Variants in RBFOX1 observed in about 807,000 individuals in gnomAD.
RBFOX1 encodes the protein RNA binding fox-1 homolog 1.
In RBFOX1, 8 loss-of-function variants were observed where a neutral mutation model predicts 57.7. The observed-to-expected ratio is 0.14, with a 90% confidence interval of 0.08 to 0.25. RBFOX1 has a LOEUF of 0.25. Ranked by LOEUF, RBFOX1 falls within the 10% of genes least tolerant of loss-of-function variation. The pLI, the probability that RBFOX1 is intolerant of heterozygous loss-of-function variation, is 1.00. For missense variants in RBFOX1, 611 were observed against 548.5 expected (o/e 1.11, Z -1.14); for synonymous variants, 326 against 222.4 (o/e 1.47, Z -4.15).
At chr16:6,229,155 T>C (rs893354960) in intron 1 of RBFOX1, among the ~76,000 whole-genome samples, 2 of 152,062 alleles carry the variant, frequency 1.3e-5, no homozygotes, top group Non-Finnish European at 2.9e-5. Flanking sequence ...CTCCTTACCT[T>C]TTACCCCCCG....
chr16:6,855,284 C>G (rs1304426914), intron 3 of RBFOX1, among the ~76,000 whole-genome samples: 1 of 152,084 alleles, frequency 6.6e-6, no homozygotes, highest in Non-Finnish European at 1.5e-5. Context: ...AGTCAGCATT[C>G]TAGTATACAG....
intron 3 of RBFOX1, among the ~76,000 whole-genome samples, chr16:6,693,045 T>C (rs1252503576): frequency 1.3e-5 from 2 of 149,722 alleles, no homozygotes; most frequent in Non-Finnish European, 3.0e-5. Flanking sequence ...TCCACTACCA[T>C]CACCACCATC....
intron 7 of RBFOX1, among the ~76,000 whole-genome samples, chr16:7,587,504 T>A (rs2094192882): frequency 6.6e-6 from 1 of 152,210 alleles, no homozygotes; most frequent in African/African-American, 2.4e-5. Flanking sequence ...AATTTTAAAT[T>A]GCTGTTTTAT....
In RBFOX1 at chr16:6,777,405, A is replaced by G. The variant is rs79577497; in HGVS notation, c.-16+122755A>G. 2.4e-3 allele frequency among the ~76,000 whole-genome samples: 371 copies of G among 152,272 alleles called. 4 individuals are homozygous for G. The highest frequency in any genetic ancestry group is 5.8e-3 in the African/African-American group (239 of 41,550). ...GAGAACCGAGGCAGGCGCTCGGGGA[A>G]TGGAACAGGGACAAAGAAACCAACC... On this transcript the variant is annotated intron_variant, in intron 3 of 15. Transcript: ENST00000550418.
At chr16:6,598,551 A>G (rs965126544) in intron 2 of RBFOX1, among the ~76,000 whole-genome samples, 52 of 152,246 alleles carry the variant, frequency 3.4e-4, no homozygotes, top group African/African-American at 1.2e-3. Context: ...TAATGGAGAA[A>G]CATGAGAAAC....
At chr16:6,642,536 C>G (rs1218007326) in intron 2 of RBFOX1, among the ~76,000 whole-genome samples, 3 of 151,922 alleles carry the variant, frequency 2.0e-5, no homozygotes, top group Non-Finnish European at 2.9e-5. Context: ...GCCAGCTCTG[C>G]TTGTCTGCAT....
intron 3 of RBFOX1, among the ~76,000 whole-genome samples, chr16:5,769,238 A>C (rs765557390): frequency 1.3e-5 from 2 of 152,038 alleles, no homozygotes; most frequent in Non-Finnish European, 2.9e-5. Flanking sequence ...AACCCCAGCT[A>C]CCTTAGCACG....
intron 2 of RBFOX1, among the ~76,000 whole-genome samples, chr16:6,343,613 G>T (rs1193691093): frequency 6.6e-6 from 1 of 152,084 alleles, no homozygotes; most frequent in South Asian, 2.1e-4. Flanking sequence ...AACCAAATAA[G>T]GTATTCATGT....
At chr16:6,255,578 A>G (rs2097655969) in intron 1 of RBFOX1, among the ~76,000 whole-genome samples, 1 of 152,164 alleles carries the variant, frequency 6.6e-6, no homozygotes, top group African/African-American at 2.4e-5. Context: ...TGCGCTGTTC[A>G]GTGTCCTATA....
intron 1 of RBFOX1, among the ~76,000 whole-genome samples, chr16:5,278,421 A>C (rs2063193067): frequency 6.6e-6 from 1 of 152,174 alleles, no homozygotes. Flanking sequence ...CTTCAGCATG[A>C]ACTCTTTGCC....
At chr16:5,580,923 A>C (rs1458101501) in intron 2 of RBFOX1, among the ~76,000 whole-genome samples, 1 of 152,186 alleles carries the variant, frequency 6.6e-6, no homozygotes, top group East Asian at 1.9e-4. Context: ...TATGGATGGG[A>C]ATGATGAGGA....
intron 3 of RBFOX1, among the ~76,000 whole-genome samples, chr16:7,020,642 C>T (rs2061815): frequency 0.057 from 8,635 of 152,228 alleles, 442 homozygotes; most frequent in East Asian, 0.19. Context: ...GAGTGATGAA[C>T]TTGTATTAAC....
intron 4 of RBFOX1, among the ~76,000 whole-genome samples, chr16:7,121,777 T>G (rs1420298925): frequency 6.6e-6 from 1 of 152,136 alleles, no homozygotes; most frequent in East Asian, 1.9e-4. Context: ...ATATCTAATT[T>G]ATTTTATATA....
intron 2 of RBFOX1, among the ~76,000 whole-genome samples, chr16:6,570,438 C>T (rs2097329203): frequency 6.6e-6 from 1 of 152,100 alleles, no homozygotes; most frequent in Non-Finnish European, 1.5e-5. Flanking sequence ...CAGCTTAATA[C>T]TGAGTTAATA....
intron 1 of RBFOX1, among the ~76,000 whole-genome samples, chr16:5,433,370 G>T (rs2067812700): frequency 6.6e-6 from 1 of 152,152 alleles, no homozygotes; most frequent in African/African-American, 2.4e-5. Flanking sequence ...CTGGCTGGGG[G>T]TGAGAATTTG....
At chr16:6,002,386 C>T (rs778802273) in intron 4 of RBFOX1, among the ~76,000 whole-genome samples, 1 of 152,300 alleles carries the variant, frequency 6.6e-6, no homozygotes, top group South Asian at 2.1e-4. Context: ...CATGGAGACC[C>T]AGAGGAAGTA....
chr16:7,460,415 GTGTATA>G (rs2059362805), intron 4 of RBFOX1, among the ~76,000 whole-genome samples: 1 of 116,406 alleles, frequency 8.6e-6, no homozygotes, highest in South Asian at 2.9e-4. Context: ...GTGTGTGTGT[GTGTATA>G]TACATATGTG....
intron 14 of RBFOX1, among the ~76,000 whole-genome samples, chr16:7,686,338 G>C (rs1293866839): frequency 2.0e-5 from 3 of 152,020 alleles, no homozygotes; most frequent in Non-Finnish European, 4.4e-5. Flanking sequence ...GGAACCGCAA[G>C]ATCAAATATC....
chr16:6,484,097 C>A (rs1420596378), intron 2 of RBFOX1, among the ~76,000 whole-genome samples: 5 of 152,128 alleles, frequency 3.3e-5, no homozygotes, highest in Non-Finnish European at 7.3e-5. Flanking sequence ...AACTTCCTTG[C>A]CAATGCTCAT....
Sources: gnomAD v4.1 joint callset for allele counts (sites outside exome capture counted in the v4.1 genomes callset) on GRCh38, gnomAD v4.1.1 for gene constraint, MANE v1.5 for transcripts, NCBI Gene and HGNC (gene_info 2026-07-23, HGNC 2026-07-21) for gene names.